Variants in TDRD5 observed in about 807,000 individuals in gnomAD.
The protein encoded by TDRD5 is tudor domain containing 5.
Under a neutral mutation model 120.6 loss-of-function variants are expected in TDRD5, and 41 were observed. The ratio of observed to expected loss-of-function variants is 0.34; its 90% CI spans 0.26 to 0.44. The LOEUF is 0.44. Among genes scored for constraint, TDRD5 ranks in the 20% least tolerant of loss-of-function variants. TDRD5 has a pLI of 1.00. For missense variants in TDRD5, 1,006 were observed against 1,221.2 expected, an observed-to-expected ratio of 0.82 and a Z score of 2.63; for synonymous variants, 430 against 433.7, an observed-to-expected ratio of 0.99 and a Z score of 0.11.
At position 179,652,212 on chromosome 1, in the gene TDRD5, C is replaced by G. The variant is rs369766706; in HGVS notation, c.2160+15C>G. The G allele has an allele frequency of 2.7e-4, 424 of 1,589,542 alleles. 2 individuals are homozygous for G. In the African/African-American group the frequency reaches 5.5e-3, roughly 20 times the overall value. ...TACGTATCTTGGTAAGAGATTTTTG[C>G]AAATACTATTATAATTCTTTTTATT... On this transcript the variant is annotated intron_variant, in intron 13 of 17. Coordinates refer to ENST00000444136, the MANE Select transcript of TDRD5 (RefSeq NM_001199085.3).
intron 17 of TDRD5, among the ~76,000 whole-genome samples, chr1:179,677,138 A>G (rs530144289): frequency 7.3e-4 from 111 of 151,866 alleles, no homozygotes; most frequent in African/African-American, 2.6e-3. Flanking sequence ...GTTCGATTCT[A>G]TTGCTGAGCC....
At chr1:179,688,600 A>T (rs1446440771) in intron 17 of TDRD5, among the ~76,000 whole-genome samples, 1 of 152,202 alleles carries the variant, frequency 6.6e-6, no homozygotes, top group African/African-American at 2.4e-5. Flanking sequence ...CTGCCTTGCT[A>T]GGTTGGGGAA....
rs1553327516 is a variant in TDRD5 at position 179,637,718 on chromosome 1, G to GGA, written c.1520+1831_1520+1832insGA. The stretch of plus-strand genomic sequence containing the variant: ...CAACAGAGTAAGGCCCTGTCTGGGG[G>GGA]AAAAAAAAAAAATACTGTAACTACT... On this transcript the variant is annotated intron_variant, in intron 9 of 17. Coordinates refer to ENST00000444136, the MANE Select transcript of TDRD5 (RefSeq NM_001199085.3). 3.1e-5 allele frequency among the ~76,000 whole-genome samples: 4 copies of GGA among 130,866 alleles called. No homozygotes were observed. In the East Asian group the frequency reaches 9.2e-4, roughly 30 times the overall value. The allele number at this position is 130,866 out of a possible 152,430, so 85.9% of individuals were successfully genotyped here. A position where few individuals can be genotyped will look rare whatever the true frequency, so the allele number is the denominator to read the frequency against.
At chr1:179,675,820 A>G (rs1680116612) in intron 17 of TDRD5, among the ~76,000 whole-genome samples, 1 of 152,196 alleles carries the variant, frequency 6.6e-6, no homozygotes, top group South Asian at 2.1e-4. Context: ...GTTGATGAAT[A>G]GAATATATAT....
chr1:179,619,643 G>C lies in TDRD5; in HGVS notation c.915+961G>C, dbSNP rs1309308247. 2.0e-5 allele frequency among the ~76,000 whole-genome samples: 3 copies of C among 150,158 alleles called. No individual in the cohort carries two copies. The East Asian group carries it at 5.9e-4, about 29-fold the overall frequency. On this transcript the variant is annotated intron_variant, in intron 5 of 17. Transcript: ENST00000444136. ...AATATGACTTTTTTTTTTTTTAAGA[G>C]ACAAGGTCTTGCTCTGTCACCCAGG...
At chr1:179,596,892 T>C (rs533470368) in intron 4 of TDRD5, among the ~76,000 whole-genome samples, 122 of 152,372 alleles carry the variant, frequency 8.0e-4, no homozygotes, top group African/African-American at 2.0e-3. Context: ...TTTTCCAAAG[T>C]GGCTGTATGA....
At chr1:179,688,981 G>A (rs1054226007) in intron 17 of TDRD5, among the ~76,000 whole-genome samples, 13 of 152,250 alleles carry the variant, frequency 8.5e-5, no homozygotes, top group Admixed American at 8.5e-4. Flanking sequence ...TCTTTGCTAT[G>A]GGTTCGAACA....
intron 3 of TDRD5, among the ~76,000 whole-genome samples, chr1:179,594,741 A>G (rs137885922): frequency 6.6e-5 from 10 of 152,370 alleles, no homozygotes; most frequent in Non-Finnish European, 1.3e-4. Flanking sequence ...TTATAAACCA[A>G]TATTTACACT....
At chr1:179,687,553 T>C (rs1351066583) in intron 17 of TDRD5, among the ~76,000 whole-genome samples, 2 of 152,230 alleles carry the variant, frequency 1.3e-5, no homozygotes, top group East Asian at 3.8e-4. Context: ...TAGATGTCTA[T>C]TAGGTCTGCT....
At chr1:179,597,358 G>A (rs1483487548) in intron 4 of TDRD5, among the ~76,000 whole-genome samples, 1 of 133,380 alleles carries the variant, frequency 7.5e-6, no homozygotes, top group Non-Finnish European at 1.6e-5. Context: ...TTGATAGGGA[G>A]TCTCACCTTG....
intron 8 of TDRD5, among the ~76,000 whole-genome samples, chr1:179,634,987 A>G (rs1471451229): frequency 2.0e-5 from 3 of 152,114 alleles, no homozygotes; most frequent in African/African-American, 7.2e-5. Flanking sequence ...CTCATCCTCA[A>G]TTATAGGGTG....
At chr1:179,649,175 T>A (rs748151057) in intron 11 of TDRD5, among the ~76,000 whole-genome samples, 11 of 152,138 alleles carry the variant, frequency 7.2e-5, no homozygotes, top group Non-Finnish European at 1.3e-4. Flanking sequence ...TCTTCAGTAT[T>A]GGTGTGGTGT....
Position 179,634,567 on chromosome 1 carries a change from CAAA to C in TDRD5, c.1240_1242del (p.Lys414del), listed in dbSNP as rs776207134. 218 of 1,613,478 alleles carry C rather than the reference CAAA, an allele frequency of 1.4e-4. 1 individual carries two copies. Among genetic ancestry groups the C allele is most frequent in the Admixed American group, 1.2e-3 (73 of 59,860 alleles). ...TGTATGGAATTGCCCTTCAAAAAAA[CAAA>C]AAGAGCCACAACAGAAGATTTGCAA... On this transcript the variant is annotated inframe_deletion, in exon 8 of 18. Coordinates refer to ENST00000444136, the MANE Select transcript of TDRD5 (RefSeq NM_001199085.3).
At chr1:179,654,437 A>T in intron 14 of TDRD5, 75 bp downstream of exon 14, 1 of 1,378,662 alleles carries the variant, frequency 7.3e-7, no homozygotes, top group Non-Finnish European at 9.6e-7. Context: ...GAGGACTGGA[A>T]TAAACTCTGT....
chr1:179,592,951 T>A (rs1675196896), intron 2 of TDRD5, 104 bp downstream of exon 2: 3 of 1,212,094 alleles, frequency 2.5e-6, no homozygotes, highest in Non-Finnish European at 3.4e-6. Flanking sequence ...AGCCAGTGGA[T>A]TTTAATTTGG....
At chr1:179,619,644 A>G (rs1676740950) in intron 5 of TDRD5, among the ~76,000 whole-genome samples, 1 of 151,120 alleles carries the variant, frequency 6.6e-6, no homozygotes, top group Non-Finnish European at 1.5e-5. Context: ...TTTTTAAGAG[A>G]CAAGGTCTTG....
chr1:179,677,802 G>A (rs762446679), intron 17 of TDRD5, among the ~76,000 whole-genome samples: 7 of 152,280 alleles, frequency 4.6e-5, no homozygotes, highest in Non-Finnish European at 7.4e-5. Flanking sequence ...TTGTGTTTTT[G>A]TTTAGTACAC....
intron 5 of TDRD5, among the ~76,000 whole-genome samples, chr1:179,619,736 A>G (rs1262711062): frequency 1.3e-5 from 2 of 151,802 alleles, no homozygotes; most frequent in Admixed American, 6.6e-5. Context: ...ATCCTCTCAC[A>G]TCAGCCTCCC....
At chr1:179,604,800 G>C (rs929155513) in intron 4 of TDRD5, among the ~76,000 whole-genome samples, 3 of 151,996 alleles carry the variant, frequency 2.0e-5, no homozygotes, top group African/African-American at 4.8e-5. Flanking sequence ...CTATTATATG[G>C]TCTATCTTGG....
Sources: gnomAD v4.1 joint callset for allele counts (sites outside exome capture counted in the v4.1 genomes callset) on GRCh38, gnomAD v4.1.1 for gene constraint, MANE v1.5 for transcripts, NCBI Gene and HGNC (gene_info 2026-07-23, HGNC 2026-07-21) for gene names.